The following UBE2E2 variants were observed in gnomAD, a reference collection of about 807,000 sequenced individuals.
UBE2E2 encodes the protein ubiquitin conjugating enzyme E2 E2.
In UBE2E2, 6 loss-of-function variants were observed where a neutral mutation model predicts 24.7. That is an observed-to-expected ratio of 0.24 (90% CI 0.13 to 0.48). The LOEUF is 0.48. UBE2E2 is among the 20% of genes least tolerant of loss of function. The pLI, the probability that UBE2E2 is intolerant of heterozygous loss-of-function variation, is 0.99. For missense variants in UBE2E2, 169 were observed against 245.0 expected, an observed-to-expected ratio of 0.69 and a Z score of 2.07; for synonymous variants, 104 against 83.6, an observed-to-expected ratio of 1.24 and a Z score of -1.33.
At chr3:23,556,863 G>A (rs1695801613) in intron 5 of UBE2E2, among the ~76,000 whole-genome samples, 1 of 152,160 alleles carries the variant, frequency 6.6e-6, no homozygotes, top group Admixed American at 6.6e-5. Context: ...GGTATGTCCT[G>A]TAGAATTATT....
chr3:23,230,057 C>T (rs76795561), intron 3 of UBE2E2, among the ~76,000 whole-genome samples: 10,397 of 152,082 alleles, frequency 0.068, 504 homozygotes, highest in Non-Finnish European at 0.092. Context: ...CTACATACTA[C>T]GTAACTACTT....
chr3:23,271,316 G>C (rs1460353875), intron 3 of UBE2E2, among the ~76,000 whole-genome samples: 1 of 152,186 alleles, frequency 6.6e-6, no homozygotes, highest in Non-Finnish European at 1.5e-5. Context: ...TGGTGGGTTT[G>C]TGGTCTTGCT....
chr3:23,280,688 T>C lies in UBE2E2; in HGVS notation c.227+63376T>C, dbSNP rs1698473832. 2.0e-5 allele frequency among the ~76,000 whole-genome samples: 3 copies of C among 152,206 alleles called. No homozygotes were observed. In the South Asian group the frequency reaches 6.2e-4, roughly 32 times the overall value. On this transcript the variant is annotated intron_variant, in intron 3 of 5. Transcript: ENST00000396703. This position sits in a 1 kb window ranked among gnomAD's most constrained non-coding sequence, Gnocchi z 4.3. ...TAACTGTGCTTGTCACAAAACCCAA[T>C]GCTTGGGCTCAGTAAATATTTATTG...
chr3:23,552,081 G>C (rs1337552856), intron 5 of UBE2E2, among the ~76,000 whole-genome samples: 1 of 152,132 alleles, frequency 6.6e-6, no homozygotes, highest in Non-Finnish European at 1.5e-5. Context: ...CCAGCACCAT[G>C]ATCTTTGAGT....
At chr3:23,243,748 C>T (rs1697315159) in intron 3 of UBE2E2, among the ~76,000 whole-genome samples, 1 of 144,386 alleles carries the variant, frequency 6.9e-6, no homozygotes, top group Non-Finnish European at 1.5e-5. Context: ...AATAGTATTT[C>T]TTTTTTTTTT....
intron 3 of UBE2E2, among the ~76,000 whole-genome samples, chr3:23,433,815 A>G (rs549991733): frequency 6.6e-6 from 1 of 152,138 alleles, no homozygotes; most frequent in South Asian, 2.1e-4. Context: ...AAGCTAACTA[A>G]TAGAAGTATA....
At chr3:23,223,176 T>C (rs550980861) in intron 3 of UBE2E2, among the ~76,000 whole-genome samples, 1 of 150,576 alleles carries the variant, frequency 6.6e-6, no homozygotes, top group African/African-American at 2.4e-5. Context: ...CATGCCACCA[T>C]GCTCAGCTGA....
intron 3 of UBE2E2, among the ~76,000 whole-genome samples, chr3:23,452,344 C>A (rs534456475): frequency 6.7e-6 from 1 of 149,634 alleles, no homozygotes; most frequent in East Asian, 2.0e-4. Flanking sequence ...TATACAGAAT[C>A]TTTTTTTTTT....
chr3:23,317,769 C>G (rs527854363), intron 3 of UBE2E2, among the ~76,000 whole-genome samples: 1 of 152,104 alleles, frequency 6.6e-6, no homozygotes, highest in Admixed American at 6.5e-5. Context: ...GTCTCTCCCA[C>G]GACATGTGGG....
At chr3:23,564,425 G>A (rs1696014329) in intron 5 of UBE2E2, among the ~76,000 whole-genome samples, 1 of 152,054 alleles carries the variant, frequency 6.6e-6, no homozygotes, top group African/African-American at 2.4e-5. Context: ...TTTAAATATG[G>A]CTGTATAATG....
chr3:23,418,386 G>A (rs1239122175), intron 3 of UBE2E2, among the ~76,000 whole-genome samples: 1 of 152,176 alleles, frequency 6.6e-6, no homozygotes, highest in Non-Finnish European at 1.5e-5. Flanking sequence ...TGTGTAACCA[G>A]TCCCAGTAAG....
intron 3 of UBE2E2, among the ~76,000 whole-genome samples, chr3:23,297,705 T>G (rs1486832046): frequency 6.6e-6 from 1 of 152,178 alleles, no homozygotes; most frequent in African/African-American, 2.4e-5. Context: ...TAGTATAGTT[T>G]GAAGTCAGGT....
At chr3:23,400,610 A>ACACACACACACACACACATACT (rs1559372801) in intron 3 of UBE2E2, among the ~76,000 whole-genome samples, 1 of 100,136 alleles carries the variant, frequency 1.0e-5, no homozygotes, top group African/African-American at 3.7e-5. Context: ...TAAATGAAAC[A>ACACACACACACACACACATACT]CACACACACA....
intron 3 of UBE2E2, among the ~76,000 whole-genome samples, chr3:23,219,858 G>T (rs1302998320): frequency 6.6e-6 from 1 of 152,146 alleles, no homozygotes; most frequent in Admixed American, 6.6e-5. Context: ...TTTTCTACTG[G>T]TTGTCTGGGT....
At chr3:23,276,956 AAAC>A (rs138083313) in intron 3 of UBE2E2, among the ~76,000 whole-genome samples, 11,270 of 152,124 alleles carry the variant, frequency 0.074, 534 homozygotes, top group Non-Finnish European at 0.092. Context: ...CATTCTTTAA[AAAC>A]AAAAACAAAA....
intron 4 of UBE2E2, among the ~76,000 whole-genome samples, chr3:23,505,849 A>G (rs1047427039): frequency 2.0e-5 from 3 of 152,010 alleles, no homozygotes; most frequent in Admixed American, 2.0e-4. Flanking sequence ...CAAAATCTTT[A>G]TTTTTCTCAT....
chr3:23,317,167 G>A (rs1286533793), intron 3 of UBE2E2, among the ~76,000 whole-genome samples: 1 of 152,190 alleles, frequency 6.6e-6, no homozygotes, highest in Non-Finnish European at 1.5e-5. Flanking sequence ...GCCCAGCACG[G>A]CACTAGGACT....
chr3:23,253,285 G>A (rs1383156998), intron 3 of UBE2E2, among the ~76,000 whole-genome samples: 1 of 152,148 alleles, frequency 6.6e-6, no homozygotes, highest in Non-Finnish European at 1.5e-5. Flanking sequence ...CAACAAACTG[G>A]AAAAATGTAT....
At chr3:23,465,950 C>T (rs113310815) in intron 3 of UBE2E2, among the ~76,000 whole-genome samples, 2,630 of 152,200 alleles carry the variant, frequency 0.017, 72 homozygotes, top group African/African-American at 0.06. Context: ...CCTAGGTACA[C>T]ATTCTTTAGA....
Sources: gnomAD v4.1 joint callset for allele counts (sites outside exome capture counted in the v4.1 genomes callset) on GRCh38, gnomAD v4.1.1 for gene constraint, Gnocchi (gnomAD v3.1) non-coding constraint, MANE v1.5 for transcripts, NCBI Gene and HGNC (gene_info 2026-07-23, HGNC 2026-07-21) for gene names.